The following MTRES1 variants were observed in gnomAD, a reference collection of about 807,000 sequenced individuals.
The protein encoded by MTRES1 is uncharacterized protein C6orf203.
MTRES1 carries 11 observed loss-of-function variants against 17.4 expected under a neutral mutation model. That is an observed-to-expected ratio of 0.63 (90% confidence interval 0.40 to 1.05). The LOEUF (loss-of-function observed/expected upper bound fraction) is 1.05. Among genes scored for constraint, MTRES1 ranks in the 50% least tolerant of loss-of-function variants. The pLI is 0.00. For synonymous variants in MTRES1, 94 were observed against 99.6 expected (o/e 0.94, Z 0.34); for missense variants, 268 against 276.2 (o/e 0.97, Z 0.21).
At chr6:107,030,062 T>G (rs781862635) in intron 1 of MTRES1, 1 of 718,498 alleles carries the variant, frequency 1.4e-6, no homozygotes, top group South Asian at 1.5e-5. Context: ...TTCGTATTTT[T>G]TTCCTCTGCT....
chr6:107,036,426 G>A (rs782693813), intron 1 of MTRES1, among the ~76,000 whole-genome samples: 2 of 151,982 alleles, frequency 1.3e-5, no homozygotes, highest in African/African-American at 2.4e-5. Flanking sequence ...GCCTGTAATC[G>A]CAGCTGCTCA....
At chr6:107,031,385 C>CAA (rs782379041) in intron 1 of MTRES1, among the ~76,000 whole-genome samples, 2,342 of 97,020 alleles carry the variant, frequency 0.024, 79 homozygotes, top group African/African-American at 0.075. Flanking sequence ...GACCCTGTCT[C>CAA]AAAAAAAAAA....
At chr6:107,034,816 C>T (rs868930833) in intron 1 of MTRES1, among the ~76,000 whole-genome samples, 5 of 152,002 alleles carry the variant, frequency 3.3e-5, no homozygotes, top group Non-Finnish European at 5.9e-5. Flanking sequence ...GGAGAAACCC[C>T]GTCTCTACTA....
chr6:107,046,025 G>C (rs576681763), intron 3 of MTRES1, among the ~76,000 whole-genome samples: 1 of 152,286 alleles, frequency 6.6e-6, no homozygotes, highest in African/African-American at 2.4e-5. Flanking sequence ...GTGGGCAGAA[G>C]GAGGGAAAAC....
In MTRES1 at chr6:107,039,741, T is replaced by C; in HGVS notation, c.-12-8T>C. 6.3e-7 allele frequency: 1 copy of C among 1,576,560 alleles called. No individual in the cohort carries two copies. The highest frequency in any genetic ancestry group is 8.6e-7 in the Non-Finnish European group (1 of 1,168,380). On this transcript the variant is annotated splice_region_variant and splice_polypyrimidine_tract_variant and intron_variant, in intron 1 of 3. Coordinates refer to ENST00000311381, the MANE Select transcript of MTRES1 (RefSeq NM_016487.5). ...TGTGAGATAAAACTGATTTATTATC[T>C]GTTTCAGATTATAAGCGCCATGGCT...
intron 1 of MTRES1, among the ~76,000 whole-genome samples, chr6:107,034,928 A>G (rs1295622165): frequency 1.3e-5 from 2 of 150,796 alleles, no homozygotes; most frequent in African/African-American, 2.4e-5. Flanking sequence ...CGGAGGTTGC[A>G]GTGAACCGAG....
At chr6:107,048,275 C>T (rs1554228661) in intron 3 of MTRES1, among the ~76,000 whole-genome samples, 1 of 151,840 alleles carries the variant, frequency 6.6e-6, no homozygotes, top group Non-Finnish European at 1.5e-5. Flanking sequence ...CCTGGGATTA[C>T]AGGCACCTAC....
chr6:107,044,721 A>G (rs560379889), intron 3 of MTRES1, among the ~76,000 whole-genome samples: 18 of 152,364 alleles, frequency 1.2e-4, no homozygotes, highest in Admixed American at 2.0e-4. Context: ...GTGTAATTCT[A>G]TACAGCTCAG....
Position 107,047,350 on chromosome 6 carries a change from G to A in MTRES1, c.543+3018G>A, listed in dbSNP as rs563800908. On this transcript the variant is annotated intron_variant, in intron 3 of 3. Coordinates refer to ENST00000311381, the MANE Select transcript of MTRES1 (RefSeq NM_016487.5). Reference sequence around the variant, plus strand: ...TGATCTTCCCACCTCAGCCTCCCGAGTAGCTGGTATGACAGGCACACCACC... The same window carrying A: ...TGATCTTCCCACCTCAGCCTCCCGAATAGCTGGTATGACAGGCACACCACC... 4.6e-5 allele frequency among the ~76,000 whole-genome samples: 7 copies of A among 151,936 alleles called. No homozygotes were observed. In the South Asian group the frequency reaches 1.5e-3, roughly 32 times the overall value.
intron 1 of MTRES1, among the ~76,000 whole-genome samples, chr6:107,033,911 T>C (rs1562276196): frequency 6.6e-6 from 1 of 152,202 alleles, no homozygotes; most frequent in East Asian, 1.9e-4. Flanking sequence ...CAAATGGTCA[T>C]CATCTCCAGC....
At chr6:107,050,943 C>A in intron 3 of MTRES1, 114 bp from the exon 4 acceptor site, 1 of 839,702 alleles carries the variant, frequency 1.2e-6, no homozygotes, top group Non-Finnish European at 1.9e-6. Flanking sequence ...GGCCTTTACT[C>A]ACCTGCCCCT....
chr6:107,034,559 G>A (rs1168361075), intron 1 of MTRES1, among the ~76,000 whole-genome samples: 2 of 152,190 alleles, frequency 1.3e-5, no homozygotes, highest in Non-Finnish European at 2.9e-5. Context: ...AATGAGTCTA[G>A]GCTTTGCAGC....
At chr6:107,034,307 A>G (rs965583031) in intron 1 of MTRES1, among the ~76,000 whole-genome samples, 1 of 152,180 alleles carries the variant, frequency 6.6e-6, no homozygotes, top group Admixed American at 6.6e-5. Flanking sequence ...GTGGGCACCC[A>G]GGGTCTGACA....
chr6:107,039,715 T>G, intron 1 of MTRES1, 34 bp from the exon 2 acceptor site: 3 of 1,559,896 alleles, frequency 1.9e-6, no homozygotes, highest in Non-Finnish European at 2.6e-6. Context: ...GACACTGCAC[T>G]TGTGAGATAA....
chr6:107,044,962 G>C (rs1774341615), intron 3 of MTRES1, among the ~76,000 whole-genome samples: 1 of 152,160 alleles, frequency 6.6e-6, no homozygotes, highest in Non-Finnish European at 1.5e-5. Flanking sequence ...GCTGAGGCCA[G>C]CAGATCGCTT....
intron 1 of MTRES1, among the ~76,000 whole-genome samples, chr6:107,034,627 G>A (rs1378508675): frequency 7.2e-5 from 11 of 152,236 alleles, no homozygotes; most frequent in African/African-American, 1.9e-4. Flanking sequence ...TGGGCTTGTC[G>A]CAAGGAACAA....
At chr6:107,043,167 T>C (rs1272799503) in intron 2 of MTRES1, among the ~76,000 whole-genome samples, 1 of 151,788 alleles carries the variant, frequency 6.6e-6, no homozygotes, top group African/African-American at 2.4e-5. Context: ...CCGTCTCTAC[T>C]AAAAATACAA....
intron 1 of MTRES1, among the ~76,000 whole-genome samples, chr6:107,038,864 G>A (rs1774092334): frequency 6.6e-6 from 1 of 152,102 alleles, no homozygotes. Context: ...AGACCAGCCT[G>A]ACCACCGTGT....
intron 1 of MTRES1, chr6:107,030,198 G>C (rs1773790212): frequency 1.4e-6 from 1 of 717,870 alleles, no homozygotes; most frequent in Non-Finnish European, 2.6e-6. Context: ...AGGAAATGGG[G>C]GTTGAGGGAG....
Sources: allele counts gnomAD v4.1 joint callset (sites outside exome capture counted in the v4.1 genomes callset), GRCh38; gene constraint gnomAD v4.1.1; transcripts MANE v1.5; gene names NCBI Gene and HGNC (gene_info 2026-07-23, HGNC 2026-07-21).